Variants in PLCB1 observed in about 807,000 individuals in gnomAD.
PLCB1 encodes the protein 1-phosphatidylinositol 4,5-bisphosphate phosphodiesterase beta-1.
In PLCB1, 46 loss-of-function variants were observed where a neutral mutation model predicts 161.8. The ratio of observed to expected loss-of-function variants is 0.28; its 90% CI spans 0.22 to 0.36. PLCB1 has a LOEUF of 0.36. Among genes scored for constraint, PLCB1 ranks in the 10% least tolerant of loss-of-function variants. PLCB1 has a pLI of 1.00. For synonymous variants in PLCB1, 517 were observed against 503.7 expected (o/e 1.03, Z -0.35); for missense variants, 1,016 against 1,472.5 (o/e 0.69, Z 5.07).
At chr20:8,731,138 G>A (rs1272114606) in intron 18 of PLCB1, among the ~76,000 whole-genome samples, 2 of 151,530 alleles carry the variant, frequency 1.3e-5, no homozygotes, top group African/African-American at 4.8e-5. Context: ...TATCTATCAA[G>A]CTCTAAGCCA....
chr20:8,622,830 C>T (rs1247308419), intron 3 of PLCB1, among the ~76,000 whole-genome samples: 1 of 152,198 alleles, frequency 6.6e-6, no homozygotes, highest in Non-Finnish European at 1.5e-5. Flanking sequence ...GTATTGCAAC[C>T]TGGGAAACTA....
At chr20:8,322,861 C>G (rs1984978220) in intron 2 of PLCB1, among the ~76,000 whole-genome samples, 1 of 152,164 alleles carries the variant, frequency 6.6e-6, no homozygotes. Context: ...GTAGCTGTTA[C>G]TGACCAGACG....
chr20:8,605,605 GTTTTC>G (rs911092026), intron 3 of PLCB1, among the ~76,000 whole-genome samples: 12 of 91,754 alleles, frequency 1.3e-4, no homozygotes, highest in Non-Finnish European at 2.1e-4. Flanking sequence ...TATGTTTGGT[GTTTTC>G]TTTTTTTTTT....
chr20:8,433,948 T>C (rs1055822509), intron 3 of PLCB1, among the ~76,000 whole-genome samples: 2 of 138,906 alleles, frequency 1.4e-5, no homozygotes, highest in Non-Finnish European at 3.2e-5. Context: ...AAACATGAAT[T>C]AGTCAACCCA....
intron 3 of PLCB1, among the ~76,000 whole-genome samples, chr20:8,574,372 C>G (rs186906354): frequency 6.6e-6 from 1 of 152,310 alleles, no homozygotes; most frequent in Admixed American, 6.5e-5. Context: ...GCACTCCAGC[C>G]TGGGTGACAG....
At chr20:8,141,613 C>T (rs1033633257) in intron 1 of PLCB1, among the ~76,000 whole-genome samples, 5 of 120,900 alleles carry the variant, frequency 4.1e-5, no homozygotes, top group South Asian at 5.5e-4. Flanking sequence ...GGCGACAGAG[C>T]GATACTCCGA....
intron 2 of PLCB1, among the ~76,000 whole-genome samples, chr20:8,282,023 A>G (rs1164364321): frequency 2.0e-5 from 3 of 152,206 alleles, no homozygotes; most frequent in Non-Finnish European, 4.4e-5. Context: ...ATTTATTTAC[A>G]TGCATATACA....
intron 2 of PLCB1, among the ~76,000 whole-genome samples, chr20:8,276,348 A>G (rs1982543237): frequency 6.6e-6 from 1 of 152,202 alleles, no homozygotes; most frequent in South Asian, 2.1e-4. Flanking sequence ...TGTGAGAATA[A>G]TGAAACATAA....
intron 2 of PLCB1, among the ~76,000 whole-genome samples, chr20:8,309,114 G>A (rs1220493772): frequency 6.6e-6 from 1 of 152,118 alleles, no homozygotes; most frequent in African/African-American, 2.4e-5. Context: ...TTTATTTTGG[G>A]AATGAAGAAT....
intron 2 of PLCB1, among the ~76,000 whole-genome samples, chr20:8,326,267 T>A (rs1040080304): frequency 6.6e-6 from 1 of 152,214 alleles, no homozygotes; most frequent in Non-Finnish European, 1.5e-5. Context: ...ACAGAATAGA[T>A]TCTTCATATA....
chr20:8,696,393 G>C (rs1020215207), intron 10 of PLCB1, among the ~76,000 whole-genome samples: 2 of 152,168 alleles, frequency 1.3e-5, no homozygotes. Context: ...ACATGGTCTT[G>C]ATTACTGTAG....
intron 2 of PLCB1, among the ~76,000 whole-genome samples, chr20:8,197,697 C>A (rs1273712816): frequency 1.3e-5 from 2 of 152,090 alleles, no homozygotes; most frequent in East Asian, 3.9e-4. Flanking sequence ...GCTTTTGTTG[C>A]CATTGCTTTT....
At position 8,877,165 on chromosome 20, in the gene PLCB1, T is replaced by G. The variant is rs539679633; in HGVS notation, c.3424-4457T>G. Among the ~76,000 whole-genome samples, 88 of 152,208 alleles carry G rather than the reference T, an allele frequency of 5.8e-4. No homozygotes were observed. In the South Asian group the frequency reaches 0.015, roughly 27 times the overall value. On this transcript the variant is annotated intron_variant, in intron 31 of 31. Coordinates refer to ENST00000338037, the MANE Select transcript of PLCB1 (RefSeq NM_015192.4). Reference sequence around the variant, plus strand: ...AGTACAAAACCCAGAATATGGCAATTAGATAGTATGATGCTGAACCTCAGA... The same window carrying G: ...AGTACAAAACCCAGAATATGGCAATGAGATAGTATGATGCTGAACCTCAGA...
Position 8,365,607 on chromosome 20 carries a change from T to C in PLCB1, c.178-5775T>C, listed in dbSNP as rs1299096196. Among the ~76,000 whole-genome samples, 3 of 152,214 alleles carry C rather than the reference T, an allele frequency of 2.0e-5. No individual in the cohort carries two copies. The East Asian group carries it at 5.8e-4, about 29-fold the overall frequency. The stretch of plus-strand genomic sequence containing the variant: ...TGAGTCTAAGTCCATCTGCTTCTTG[T>C]TAAATGAAAACTATTTGTTAAAATA... On this transcript the variant is annotated intron_variant, in intron 2 of 31. Transcript: ENST00000338037.
chr20:8,665,518 T>C (rs1269389545), intron 9 of PLCB1, among the ~76,000 whole-genome samples: 1 of 152,188 alleles, frequency 6.6e-6, no homozygotes, highest in Non-Finnish European at 1.5e-5. Flanking sequence ...GTATAATAAT[T>C]TATTAATGAA....
chr20:8,820,140 G>T (rs1985270295), intron 31 of PLCB1, among the ~76,000 whole-genome samples: 1 of 144,240 alleles, frequency 6.9e-6, no homozygotes, highest in African/African-American at 2.5e-5. Flanking sequence ...AGTTACAATT[G>T]GGTGAATAGG....
chr20:8,845,985 C>T (rs6077440), intron 31 of PLCB1, among the ~76,000 whole-genome samples: 39,792 of 152,108 alleles, frequency 0.26, 6,902 homozygotes, highest in East Asian at 0.63. Flanking sequence ...GGAAACCCAG[C>T]AAAACTGGTA....
chr20:8,441,217 A>G (rs1980545844), intron 3 of PLCB1, among the ~76,000 whole-genome samples: 1 of 152,136 alleles, frequency 6.6e-6, no homozygotes, highest in Non-Finnish European at 1.5e-5. Flanking sequence ...TTGTTTATTC[A>G]TTGGCATTAG....
At chr20:8,756,392 A>T (rs532693077) in intron 23 of PLCB1, among the ~76,000 whole-genome samples, 1 of 152,330 alleles carries the variant, frequency 6.6e-6, no homozygotes, top group African/African-American at 2.4e-5. Flanking sequence ...CTGTGCTCCA[A>T]AATGTGTGTT....
Sources: gnomAD v4.1 joint callset for allele counts (sites outside exome capture counted in the v4.1 genomes callset) on GRCh38, gnomAD v4.1.1 for gene constraint, MANE v1.5 for transcripts, NCBI Gene and HGNC (gene_info 2026-07-23, HGNC 2026-07-21) for gene names.